The following SLC51A variants were observed in gnomAD, a reference collection of about 807,000 sequenced individuals.
SLC51A encodes the protein organic solute transporter subunit alpha.
In SLC51A, 22 loss-of-function variants were observed where a neutral mutation model predicts 34.8. The ratio of observed to expected loss-of-function variants is 0.63; its 90% CI spans 0.45 to 0.90. SLC51A has a LOEUF of 0.90. Among genes scored for constraint, SLC51A ranks in the 40% least tolerant of loss-of-function variants. The pLI, the probability that SLC51A is intolerant of heterozygous loss-of-function variation, is 0.00. For synonymous variants in SLC51A, 181 were observed against 176.3 expected, an observed-to-expected ratio of 1.03 and a Z score of -0.21; for missense variants, 371 against 414.8, an observed-to-expected ratio of 0.89 and a Z score of 0.92.
chr3:196,219,546 C>T (rs879578803), intron 2 of SLC51A, among the ~76,000 whole-genome samples: 1 of 151,820 alleles, frequency 6.6e-6, no homozygotes, highest in Admixed American at 6.6e-5. Flanking sequence ...TGAACCAGAG[C>T]GGTTGCCAAC....
intron 2 of SLC51A, among the ~76,000 whole-genome samples, chr3:196,218,489 C>G (rs566520130): frequency 1.3e-5 from 2 of 152,312 alleles, no homozygotes; most frequent in African/African-American, 4.8e-5. Flanking sequence ...CATTCCACCC[C>G]TGAGCTCTCA....
chr3:196,228,386 G>T lies in SLC51A; in HGVS notation c.521+113G>T. 1 of 1,381,454 alleles carries T rather than the reference G, an allele frequency of 7.2e-7. No homozygotes were observed. The highest frequency in any genetic ancestry group is 1.4e-5 in the South Asian group (1 of 69,060). 85.6% of individuals were successfully genotyped at this position (1,381,454 alleles called of 1,614,324 possible). Reference sequence around the variant, plus strand: ...GAATAGGCCAAAGCCAGTGACGGAAGGGTGGGCATCCCACGGCCAGGACCC... The same window carrying T: ...GAATAGGCCAAAGCCAGTGACGGAATGGTGGGCATCCCACGGCCAGGACCC... On this transcript the variant is annotated intron_variant, in intron 5 of 8. Coordinates refer to ENST00000296327, the MANE Select transcript of SLC51A (RefSeq NM_152672.6). This position sits in a 1 kb window ranked among gnomAD's most constrained non-coding sequence, Gnocchi z 4.9.
chr3:196,222,871 G>A (rs2108754228), intron 2 of SLC51A, among the ~76,000 whole-genome samples: 1 of 151,948 alleles, frequency 6.6e-6, no homozygotes, highest in South Asian at 2.1e-4. Context: ...CATCTCCTAA[G>A]AAGATAGTTT....
intron 2 of SLC51A, among the ~76,000 whole-genome samples, chr3:196,226,188 G>A (rs533452977): frequency 6.6e-6 from 1 of 152,092 alleles, no homozygotes; most frequent in Non-Finnish European, 1.5e-5. Context: ...CGTGGTGGGG[G>A]TGCACACCTG....
At position 196,232,578 on chromosome 3, in the gene SLC51A, C is replaced by A. The variant is rs143460875; in HGVS notation, c.886+54C>A. The A allele has an allele frequency of 3.7e-4, 548 of 1,466,042 alleles. 4 individuals carry two copies. The East Asian group carries it at 0.012, about 32-fold the overall frequency. The allele number at this position is 1,466,042 out of a possible 1,614,324, so 90.8% of individuals were successfully genotyped here. A position where few individuals can be genotyped will look rare whatever the true frequency, so the allele number is the denominator to read the frequency against. On this transcript the variant is annotated intron_variant, in intron 8 of 8. Coordinates refer to ENST00000296327, the MANE Select transcript of SLC51A (RefSeq NM_152672.6). The stretch of plus-strand genomic sequence containing the variant: ...GTGGGATGGATGAGACGGGGAGAGT[C>A]AGGAAAGAAGGGGCCCCAGAACAGA...
chr3:196,227,970 TG>T, intron 4 of SLC51A, 144 bp from the exon 5 acceptor site: 2 of 1,133,872 alleles, frequency 1.8e-6, no homozygotes, highest in Middle Eastern at 2.0e-4. Flanking sequence ...CCCAGTCCTG[TG>T]GGCCGTCTCC....
intron 8 of SLC51A, 174 bp from the exon 9 acceptor site, chr3:196,232,889 G>A (rs564028624): frequency 3.3e-5 from 22 of 676,474 alleles, no homozygotes; most frequent in African/African-American, 1.6e-4. Context: ...GCCAACTTCC[G>A]GTTCTGGCTC....
intron 2 of SLC51A, among the ~76,000 whole-genome samples, chr3:196,222,798 G>T (rs1463278491): frequency 5.3e-5 from 8 of 151,668 alleles, no homozygotes; most frequent in African/African-American, 1.9e-4. Flanking sequence ...GAATACTTTT[G>T]TCCCATAGTG....
chr3:196,225,621 C>T (rs1209444111), intron 2 of SLC51A: 1 of 152,214 alleles, frequency 6.6e-6, no homozygotes, highest in African/African-American at 2.4e-5. Context: ...TAAATGACCA[C>T]AGGTTCACTA....
In SLC51A at chr3:196,216,843, G is replaced by A. The variant is rs1247380582; in HGVS notation, c.38+93G>A. 6.6e-5 allele frequency: 87 copies of A among 1,308,868 alleles called. No homozygotes were observed. The highest frequency in any genetic ancestry group is 2.0e-4 in the Middle Eastern group (1 of 5,118). 81.1% of individuals were successfully genotyped at this position (1,308,868 alleles called of 1,614,324 possible). A position where few individuals can be genotyped will look rare whatever the true frequency, so the allele number is the denominator to read the frequency against. The stretch of plus-strand genomic sequence containing the variant: ...TCTCTCCCTCCCAGAGCCCTTTGGC[G>A]GCCGCACTCAGAATGAGACAGGACT... On this transcript the variant is annotated intron_variant, in intron 1 of 8. Transcript: ENST00000296327. The surrounding 1 kb of genome is among the most constrained non-coding windows in gnomAD (Gnocchi z 4.5).
At chr3:196,225,272 C>G (rs112497677) in intron 2 of SLC51A, among the ~76,000 whole-genome samples, 1 of 152,160 alleles carries the variant, frequency 6.6e-6, no homozygotes, top group African/African-American at 2.4e-5. Context: ...CCGTGCCCAG[C>G]CGAGGGTCAG....
rs201430479 is a variant in SLC51A at position 196,227,012 on chromosome 3, G to A, written c.181G>A (p.Ala61Thr). 3 of 1,613,902 alleles carry A rather than the reference G, an allele frequency of 1.9e-6. No homozygotes were observed. Among genetic ancestry groups the A allele is most frequent in the African/African-American group, 2.7e-5 (2 of 74,870 alleles). ...CCTCACTAGCATCCTGACCTTGCTG[G>A]CGCTGGGCTCCATTGCCATCTTCCT... ...LALTSILTLL[A>T]LGSIAIFLED... Residue 61 changes from alanine (A) to threonine (T), a missense_variant, in exon 3 of 9, where the codon GCG (alanine) becomes ACG (threonine). Physicochemically the swap from Ala to Thr is moderately conservative, Grantham distance 58. Transcript: ENST00000296327.
chr3:196,216,655 C>A lies in SLC51A; in HGVS notation c.-58C>A. On this transcript the variant is annotated 5_prime_UTR_variant, in exon 1 of 9. Coordinates refer to ENST00000296327, the MANE Select transcript of SLC51A (RefSeq NM_152672.6). This position sits in a 1 kb window ranked among gnomAD's most constrained non-coding sequence, Gnocchi z 4.5. ...ACCCTGCCCCCGGCCCCCACCTGCC[C>A]GCCCCGCCTGCCCTTCCTCACCCCG... is the stretch of plus-strand genomic sequence containing the variant. 1 of 1,542,256 alleles carries A rather than the reference C, an allele frequency of 6.5e-7. No individual in the cohort carries two copies.
Position 196,228,255 on chromosome 3 carries a change from C to A in SLC51A, c.503C>A (p.Pro168Gln). The change falls in exon 5 of 9, where the codon CCA (proline) becomes CAA (glutamine). Residue 168 changes from proline to glutamine, a missense_variant. Pro to Gln is a moderately conservative substitution (Grantham distance 76). Transcript: ENST00000296327. The surrounding 1 kb of genome is among the most constrained non-coding windows in gnomAD (Gnocchi z 4.9). ...TGCTGCTGCTGCTGCCCCTGCTGTC[C>A]ACGGCTGCTGCTCACCAGGTGAGGC... ...GPCCCCCPCC[P>Q]RLLLTRKKLQ... 6.2e-7 allele frequency: 1 copy of A among 1,612,332 alleles called. No homozygotes were observed.
chr3:196,222,874 G>T (rs1197201057), intron 2 of SLC51A, among the ~76,000 whole-genome samples: 1 of 151,840 alleles, frequency 6.6e-6, no homozygotes, highest in Non-Finnish European at 1.5e-5. Context: ...CTCCTAAGAA[G>T]ATAGTTTGAT....
intron 8 of SLC51A, 120 bp from the exon 9 acceptor site, chr3:196,232,943 A>G (rs1701930451): frequency 9.9e-7 from 1 of 1,012,576 alleles, no homozygotes; most frequent in Non-Finnish European, 1.5e-6. Flanking sequence ...TCGTATCCCT[A>G]AGTCCTGATT....
chr3:196,232,489 G>C lies in SLC51A; in HGVS notation c.851G>C (p.Cys284Ser), dbSNP rs1316448295. Residue 284 changes from cysteine to serine, a missense_variant, in exon 8 of 9, where the codon TGT (cysteine) becomes TCT (serine). Physicochemically the swap from Cys to Ser is moderately radical, Grantham distance 112. Transcript: ENST00000296327. ...SVLANGGQIA[C>S]SPPYSSKTRS... is the part of the protein sequence containing the mutation. ...TTGGCCAACGGTGGGCAGATTGCTT[G>C]TTCGCCTCCCTATTCCTCTAAAACC... 1.9e-6 allele frequency: 3 copies of C among 1,614,062 alleles called. No homozygotes were observed. Among genetic ancestry groups the C allele is most frequent in the Non-Finnish European group, 2.5e-6 (3 of 1,180,034 alleles).
rs546817289 is a variant in SLC51A at position 196,228,053 on chromosome 3, T to C, written c.363-62T>C. On this transcript the variant is annotated intron_variant, in intron 4 of 8. Coordinates refer to ENST00000296327, the MANE Select transcript of SLC51A (RefSeq NM_152672.6). This position sits in a 1 kb window ranked among gnomAD's most constrained non-coding sequence, Gnocchi z 4.9. Reference sequence around the variant, plus strand: ...GCTCTGCTCCTCAGTAAGCCCCACCTCTCCCTGCTGTCTTTCTCTCTGGCA... The same window carrying C: ...GCTCTGCTCCTCAGTAAGCCCCACCCCTCCCTGCTGTCTTTCTCTCTGGCA... The C allele has an allele frequency of 6.4e-7, 1 of 1,570,198 alleles. No homozygotes were observed. Among genetic ancestry groups the C allele is most frequent in the South Asian group, 1.2e-5 (1 of 83,322 alleles).
chr3:196,229,906 T>G lies in SLC51A; in HGVS notation c.634-9T>G. 6 of 1,590,906 alleles carry G rather than the reference T, an allele frequency of 3.8e-6. No homozygotes were observed. Among genetic ancestry groups the G allele is most frequent in the Non-Finnish European group, 5.1e-6 (6 of 1,168,500 alleles). On this transcript the variant is annotated splice_polypyrimidine_tract_variant and intron_variant, in intron 6 of 8. Transcript: ENST00000296327. ...GCCTGCCTCACTGACTACTTTCTGT[T>G]GCCACCAGATTTCTGAGGGGAGCAC...
Sources: gnomAD v4.1 joint callset for allele counts (sites outside exome capture counted in the v4.1 genomes callset) on GRCh38, gnomAD v4.1.1 for gene constraint, Gnocchi (gnomAD v3.1) non-coding constraint, MANE v1.5 for transcripts, NCBI Gene and HGNC (gene_info 2026-07-23, HGNC 2026-07-21) for gene names.